The following PPIH variants were observed in gnomAD, a reference collection of about 807,000 sequenced individuals.
PPIH encodes the protein peptidylprolyl isomerase H.
A neutral mutation model predicts 27.6 loss-of-function variants in PPIH; 16 were observed. The ratio of observed to expected loss-of-function variants is 0.58; its 90% CI spans 0.39 to 0.88. The LOEUF (loss-of-function observed/expected upper bound fraction) is 0.88. PPIH is among the 40% of genes least tolerant of loss of function. The probability of loss-of-function intolerance (pLI) is 0.00; values close to 1 mark genes in which losing one functional copy is unlikely to be tolerated. For synonymous variants in PPIH, 63 were observed against 76.1 expected (o/e 0.83, Z 0.90); for missense variants, 155 against 224.1 (o/e 0.69, Z 1.97).
At chr1:42,658,619 GA>G (rs1223242519) in intron 1 of PPIH, 107 bp downstream of exon 1, 1 of 1,345,416 alleles carries the variant, frequency 7.4e-7, no homozygotes, top group Admixed American at 1.9e-5. Context: ...GCCAGAAAGT[GA>G]AATTGCACCC....
chr1:42,670,166 C>G (rs745946545), intron 9 of PPIH, among the ~76,000 whole-genome samples: 1 of 152,104 alleles, frequency 6.6e-6, no homozygotes, highest in Non-Finnish European at 1.5e-5. Flanking sequence ...TACATGTGGA[C>G]CTCTCTTGTT....
At chr1:42,662,201 T>C (rs1649071093) in intron 5 of PPIH, among the ~76,000 whole-genome samples, 1 of 152,056 alleles carries the variant, frequency 6.6e-6, no homozygotes. Flanking sequence ...GCACATCTGA[T>C]CACTTGTCGA....
At chr1:42,659,636 A>T in intron 4 of PPIH, 70 bp downstream of exon 4, 9 of 1,551,078 alleles carry the variant, frequency 5.8e-6, no homozygotes, top group Non-Finnish European at 7.8e-6. Context: ...TCTTTAGAGG[A>T]AAATAAAACC....
intron 9 of PPIH, among the ~76,000 whole-genome samples, chr1:42,668,418 T>G (rs759638476): frequency 2.6e-5 from 4 of 152,088 alleles, no homozygotes; most frequent in Non-Finnish European, 4.4e-5. Context: ...TCCTTTACCC[T>G]TTCTTCTTCT....
At chr1:42,678,249 C>T (rs1347955178), downstream of PPIH, among the ~76,000 whole-genome samples, 1 of 152,190 alleles carries the variant, frequency 6.6e-6, no homozygotes, top group African/African-American at 2.4e-5. Flanking sequence ...CACTCTGTTA[C>T]ATCTGGCACC....
chr1:42,665,297 C>T (rs572082174), intron 6 of PPIH, among the ~76,000 whole-genome samples: 15 of 151,844 alleles, frequency 9.9e-5, no homozygotes, highest in African/African-American at 2.9e-4. Context: ...CCCATCTACT[C>T]GGGAGGCTGA....
At chr1:42,674,966 C>T (rs1570405167) in intron 9 of PPIH, among the ~76,000 whole-genome samples, 2 of 152,308 alleles carry the variant, frequency 1.3e-5, no homozygotes, top group Admixed American at 1.3e-4. Context: ...GTAGAGGTTC[C>T]ATTCTCTTCA....
At chr1:42,677,407 G>A (rs1219796790), downstream of PPIH, among the ~76,000 whole-genome samples, 2 of 152,212 alleles carry the variant, frequency 1.3e-5, no homozygotes, top group African/African-American at 2.4e-5. Context: ...GGGAGGTGGA[G>A]GTTGCAGTGA....
At chr1:42,669,046 C>CAA (rs766495746) in intron 9 of PPIH, among the ~76,000 whole-genome samples, 9 of 135,426 alleles carry the variant, frequency 6.6e-5, no homozygotes, top group Admixed American at 1.5e-4. Context: ...CCCGTCTTTC[C>CAA]AAAAAAAAAA....
intron 9 of PPIH, among the ~76,000 whole-genome samples, chr1:42,674,055 C>T (rs185315855): frequency 2.0e-5 from 3 of 152,310 alleles, no homozygotes; most frequent in African/African-American, 7.2e-5. Flanking sequence ...AAGATAGTTC[C>T]CATGCTGCAT....
intron 9 of PPIH, among the ~76,000 whole-genome samples, chr1:42,667,845 A>C (rs1033887470): frequency 6.6e-6 from 1 of 152,212 alleles, no homozygotes; most frequent in Non-Finnish European, 1.5e-5. Context: ...GCCAGGAGAC[A>C]CACCTGTCAT....
In PPIH at chr1:42,661,208, CTAAT is replaced by C. The variant is rs201456114; in HGVS notation, c.243+307_243+310del. Among the ~76,000 whole-genome samples the C allele has an allele frequency of 1.7e-4, 26 of 152,300 alleles. No homozygotes were observed. In the East Asian group the frequency reaches 4.8e-3, roughly 28 times the overall value. Reference sequence around the variant, plus strand: ...ATAGATGATCTATGATAGGTTCACACTAATTAGTCATATGAAACTTAGTCAGAAA... The same window carrying C: ...ATAGATGATCTATGATAGGTTCACACTAGTCATATGAAACTTAGTCAGAAA... On this transcript the variant is annotated intron_variant, in intron 5 of 9. Coordinates refer to ENST00000304979, the MANE Select transcript of PPIH (RefSeq NM_006347.4).
At chr1:42,660,571 A>G (rs1648951683) in intron 4 of PPIH, among the ~76,000 whole-genome samples, 1 of 152,198 alleles carries the variant, frequency 6.6e-6, no homozygotes, top group Admixed American at 6.5e-5. Context: ...CCAGGACTAC[A>G]GGCATGTGCC....
In PPIH at chr1:42,661,881, G is replaced by C. The variant is rs76062733; in HGVS notation, c.243+977G>C. ...TTTTCTCTTTAAAAAATGGAAAGTG[G>C]AAGTATGCTGGGCCTGCATTTCTCA... On this transcript the variant is annotated intron_variant, in intron 5 of 9. Coordinates refer to ENST00000304979, the MANE Select transcript of PPIH (RefSeq NM_006347.4). 5.7e-3 allele frequency among the ~76,000 whole-genome samples: 873 copies of C among 152,256 alleles called. 7 individuals carry two copies. The highest frequency in any genetic ancestry group is 0.02 in the African/African-American group (832 of 41,528).
intron 4 of PPIH, 109 bp downstream of exon 4, chr1:42,659,675 G>T (rs1299123963): frequency 6.7e-6 from 10 of 1,483,736 alleles, no homozygotes; most frequent in South Asian, 1.4e-5. Context: ...TTCTTGAGAA[G>T]AAATGTTTTT....
chr1:42,658,822 G>T, intron 1 of PPIH, 22 bp from the exon 2 acceptor site: 1 of 1,614,044 alleles, frequency 6.2e-7, no homozygotes, highest in South Asian at 1.1e-5. Flanking sequence ...TGGGCCTTCT[G>T]ACACTCTCCC....
At chr1:42,667,759 C>A (rs1402592517) in intron 9 of PPIH, among the ~76,000 whole-genome samples, 2 of 152,244 alleles carry the variant, frequency 1.3e-5, no homozygotes, top group African/African-American at 4.8e-5. Flanking sequence ...TCTCAGACTA[C>A]AGTTCCATTC....
chr1:42,661,686 T>C (rs1364610443), intron 5 of PPIH, among the ~76,000 whole-genome samples: 1 of 152,206 alleles, frequency 6.6e-6, no homozygotes, highest in African/African-American at 2.4e-5. Flanking sequence ...TTCTCTTTTA[T>C]GTGTTTATTT....
chr1:42,658,847 G>C lies in PPIH; in HGVS notation c.70G>C (p.Val24Leu). The C allele has an allele frequency of 6.2e-7, 1 of 1,614,234 alleles. No homozygotes were observed. The highest frequency in any genetic ancestry group is 8.5e-7 in the Non-Finnish European group (1 of 1,180,032). Residue 24 changes from valine to leucine, a missense_variant, in exon 2 of 10, where the codon GTT becomes CTT. By Grantham distance (32) the Val-to-Leu change is conservative (BLOSUM62 1). This residue lies in a region of PPIH where 59 missense variants were observed against 48.8 expected (regional missense o/e 1.21). Coordinates refer to ENST00000304979, the MANE Select transcript of PPIH (RefSeq NM_006347.4). Reference protein sequence around the residue: ...FFDVSIGGQEVGRMKIELFAD... With the variant: ...FFDVSIGGQELGRMKIELFAD... ...GACACTCTCCCGCTGATTGCAGGAA[G>C]TTGGCCGCATGAAGATCGAGCTCTT...
Sources: gnomAD v4.1 joint callset for allele counts (sites outside exome capture counted in the v4.1 genomes callset) on GRCh38, gnomAD v4.1.1 for gene constraint, gnomAD v4.1.1 regional missense constraint, MANE v1.5 for transcripts, NCBI Gene and HGNC (gene_info 2026-07-23, HGNC 2026-07-21) for gene names.